The following PROM1 variants were observed in gnomAD, a reference collection of about 807,000 sequenced individuals.
The protein encoded by PROM1 is prominin 1, also known as prominin-1.
In PROM1, 105 loss-of-function variants were observed where a neutral mutation model predicts 116.9. That is an observed-to-expected ratio of 0.90 (90% CI 0.77 to 1.06). The LOEUF (loss-of-function observed/expected upper bound fraction) is 1.06. Ranked by LOEUF, PROM1 falls within the 50% of genes least tolerant of loss-of-function variation. The pLI is 0.00. For missense variants in PROM1, 1,122 were observed against 1,045.2 expected, an observed-to-expected ratio of 1.07 and a Z score of -1.01; for synonymous variants, 393 against 387.0, an observed-to-expected ratio of 1.02 and a Z score of -0.18.
At chr4:16,025,436 G>T (rs957747415) in intron 5 of PROM1, 124 bp from the exon 6 acceptor site, 3 of 1,185,132 alleles carry the variant, frequency 2.5e-6, no homozygotes, top group Non-Finnish European at 3.5e-6. Context: ...TTCCTCTCCC[G>T]CTGCCCTCTC....
intron 11 of PROM1, among the ~76,000 whole-genome samples, chr4:16,009,575 T>C (rs185964133): frequency 3.2e-3 from 486 of 152,282 alleles, no homozygotes; most frequent in Non-Finnish European, 5.3e-3. Context: ...AATTCGGGTG[T>C]ATCTGACTCT....
At chr4:15,995,226 C>T (rs1342234101) in intron 15 of PROM1, among the ~76,000 whole-genome samples, 1 of 151,742 alleles carries the variant, frequency 6.6e-6, no homozygotes, top group African/African-American at 2.4e-5. Context: ...GGAAGTGACA[C>T]ATGTGGTTGG....
intron 18 of PROM1, among the ~76,000 whole-genome samples, chr4:15,990,478 GA>G (rs768031685): frequency 9.2e-5 from 14 of 152,150 alleles, no homozygotes; most frequent in Non-Finnish European, 1.5e-4. Flanking sequence ...AGCAACACAT[GA>G]AATCTTCCTC....
chr4:16,083,726 GC>G (rs1223463369), intron 1 of PROM1: 1 of 152,726 alleles, frequency 6.5e-6, no homozygotes. Context: ...CCTTCCCTTA[GC>G]TCGCCAGACC....
chr4:16,005,228 G>A (rs575722182), intron 13 of PROM1, among the ~76,000 whole-genome samples: 39 of 152,224 alleles, frequency 2.6e-4, no homozygotes, highest in Non-Finnish European at 4.9e-4. Context: ...CTCCCAAAGT[G>A]TTGGGATTAC....
chr4:16,005,150 A>G (rs1725076099), intron 13 of PROM1, among the ~76,000 whole-genome samples: 1 of 151,862 alleles, frequency 6.6e-6, no homozygotes, highest in Non-Finnish European at 1.5e-5. Flanking sequence ...TTTAGTAGAC[A>G]TGGGGTTTCA....
At chr4:16,071,932 G>C (rs77357811) in intron 2 of PROM1, among the ~76,000 whole-genome samples, 265 of 152,192 alleles carry the variant, frequency 1.7e-3, no homozygotes, top group African/African-American at 5.9e-3. Context: ...ATCCTTTCAG[G>C]TTTGAATGAA....
intron 2 of PROM1, among the ~76,000 whole-genome samples, chr4:16,041,170 A>G (rs1326837206): frequency 6.6e-6 from 1 of 152,210 alleles, no homozygotes; most frequent in African/African-American, 2.4e-5. Context: ...AGGCGGTGGT[A>G]GATAAGAATG....
intron 2 of PROM1, among the ~76,000 whole-genome samples, chr4:16,064,258 A>G (rs1741003289): frequency 6.6e-6 from 1 of 152,246 alleles, no homozygotes; most frequent in African/African-American, 2.4e-5. Context: ...ACAATGGTAT[A>G]TTCACACATA....
At chr4:16,025,920 G>GAGCACCT (rs1731156530) in intron 5 of PROM1, among the ~76,000 whole-genome samples, 2 of 152,308 alleles carry the variant, frequency 1.3e-5, no homozygotes, top group African/African-American at 4.8e-5. Context: ...ACATACAACA[G>GAGCACCT]AGCACCTATG....
chr4:15,994,156 A>C, intron 15 of PROM1, 85 bp from the exon 16 acceptor site: 1 of 1,586,174 alleles, frequency 6.3e-7, no homozygotes, highest in African/African-American at 1.3e-5. Context: ...AGAAAGGCTC[A>C]CTGTTTCTCC....
intron 2 of PROM1, among the ~76,000 whole-genome samples, chr4:16,073,978 T>C (rs1743403719): frequency 6.6e-6 from 1 of 152,222 alleles, no homozygotes; most frequent in Non-Finnish European, 1.5e-5. Flanking sequence ...AATTACATGA[T>C]ATGCCTTAGA....
chr4:16,016,044 C>T, intron 10 of PROM1, 122 bp downstream of exon 10: 1 of 851,946 alleles, frequency 1.2e-6, no homozygotes, highest in Non-Finnish European at 1.8e-6. Flanking sequence ...ATAGCTATCA[C>T]CCTTCTTGGC....
Position 16,024,295 on chromosome 4 carries a change from T to C in PROM1, c.694A>G (p.Ser232Gly). Reference sequence around the variant, plus strand: ...TGAAGCAACTTTAAATTTTACTCACTGTTCAGATCTGTGAACGCCTTGTCC... The same window carrying C: ...TGAAGCAACTTTAAATTTTACTCACCGTTCAGATCTGTGAACGCCTTGTCC... ...TKDKAFTDLNSINSVLGGGIL... is the reference protein window; with the variant it reads ...TKDKAFTDLNGINSVLGGGIL... The change falls in exon 7 of 28, where the codon AGT (serine) becomes GGT (glycine). Residue 232 changes from serine to glycine, a missense_variant and splice_region_variant. Ser to Gly is a moderately conservative substitution (Grantham distance 56). Transcript: ENST00000447510. 1 of 1,612,276 alleles carries C rather than the reference T, an allele frequency of 6.2e-7. No individual in the cohort carries two copies. The highest frequency in any genetic ancestry group is 8.5e-7 in the Non-Finnish European group (1 of 1,178,586).
chr4:16,074,929 A>T (rs1269045959), intron 2 of PROM1, among the ~76,000 whole-genome samples: 1 of 152,246 alleles, frequency 6.6e-6, no homozygotes, highest in Non-Finnish European at 1.5e-5. Flanking sequence ...AACTAAAAGA[A>T]CAGGCTTAGG....
At chr4:16,048,312 C>G (rs1351321525) in intron 2 of PROM1, among the ~76,000 whole-genome samples, 1 of 152,154 alleles carries the variant, frequency 6.6e-6, no homozygotes, top group Non-Finnish European at 1.5e-5. Flanking sequence ...CTGAGTTGCA[C>G]CTGTCTGAGT....
At chr4:16,023,886 C>G (rs1467682365) in intron 7 of PROM1, among the ~76,000 whole-genome samples, 1 of 152,192 alleles carries the variant, frequency 6.6e-6, no homozygotes, top group Non-Finnish European at 1.5e-5. Context: ...AGTTGAGAAG[C>G]ACTAAGCTAA....
chr4:16,025,317 A>C lies in PROM1; in HGVS notation c.510-5T>G. 1 of 1,613,572 alleles carries C rather than the reference A, an allele frequency of 6.2e-7. No homozygotes were observed. ...AAACCATAGAAGATGCCAATGCTGC[A>C]GGAAAAGGCAGAGAGAAGAAAGAGC... On this transcript the variant is annotated splice_polypyrimidine_tract_variant and splice_region_variant and intron_variant, in intron 5 of 27. Transcript: ENST00000447510.
intron 2 of PROM1, chr4:16,055,174 G>T (rs1738720200): frequency 3.4e-6 from 1 of 298,056 alleles, no homozygotes; most frequent in Non-Finnish European, 6.8e-6. Context: ...TAAGAACCTA[G>T]CATTCTCCTA....
Sources: allele counts gnomAD v4.1 joint callset (sites outside exome capture counted in the v4.1 genomes callset), GRCh38; gene constraint gnomAD v4.1.1; transcripts MANE v1.5; gene names NCBI Gene and HGNC (gene_info 2026-07-23, HGNC 2026-07-21).